CLTCL1: variants seen among roughly 807,000 people sequenced by gnomAD.
The protein encoded by CLTCL1 is clathrin heavy chain like 1.
CLTCL1 carries 159 observed loss-of-function variants against 190.0 expected under a neutral mutation model. That is an observed-to-expected ratio of 0.84 (90% CI 0.74 to 0.95). The LOEUF is 0.95. CLTCL1 is among the 40% of genes least tolerant of loss of function. CLTCL1 has a pLI of 0.00. For missense variants in CLTCL1, 1,878 were observed against 2,033.4 expected (o/e 0.92, Z 1.47); for synonymous variants, 752 against 769.6 (o/e 0.98, Z 0.38).
intron 22 of CLTCL1, among the ~76,000 whole-genome samples, chr22:19,203,411 CTCAGGGAGTA>C (rs1426321085): frequency 6.6e-6 from 1 of 152,206 alleles, no homozygotes; most frequent in Non-Finnish European, 1.5e-5. Context: ...GAGCACAGTT[CTCAGGGAGTA>C]TCTGTGTGTC....
At position 19,243,697 on chromosome 22, in the gene CLTCL1, C is replaced by CTT. The variant is rs1175325908; in HGVS notation, c.520-763_520-762dup. On this transcript the variant is annotated intron_variant, in intron 3 of 32. Coordinates refer to ENST00000427926, the MANE Select transcript of CLTCL1 (RefSeq NM_007098.4). ...GAACTTGTATTTTCTTTCTTTCTTT[C>CTT]TTTTTTTTTTTTTTTTTTGTGATGG... is the stretch of plus-strand genomic sequence containing the variant. Among the ~76,000 whole-genome samples, 955 of 107,728 alleles carry CTT rather than the reference C, an allele frequency of 8.9e-3. 22 individuals are homozygous for CTT. Among genetic ancestry groups the CTT allele is most frequent in the African/African-American group, 0.02 (556 of 27,808 alleles). 70.7% of individuals were successfully genotyped at this position (107,728 alleles called of 152,430 possible). A position where few individuals can be genotyped will look rare whatever the true frequency, so the allele number is the denominator to read the frequency against.
At chr22:19,238,193 A>G (rs782401490) in intron 5 of CLTCL1, among the ~76,000 whole-genome samples, 104 of 152,146 alleles carry the variant, frequency 6.8e-4, no homozygotes, top group Admixed American at 7.2e-4. Flanking sequence ...GGGTTCTAGA[A>G]ATTCTCCTGC....
At chr22:19,184,594 C>G in intron 29 of CLTCL1, 1 of 455,738 alleles carries the variant, frequency 2.2e-6, no homozygotes, top group Non-Finnish European at 4.4e-6. Flanking sequence ...CTTTGGGTCT[C>G]CGCTTTGAGG....
chr22:19,237,917 T>A (rs1434006446), intron 5 of CLTCL1, among the ~76,000 whole-genome samples: 2 of 152,176 alleles, frequency 1.3e-5, no homozygotes, highest in Non-Finnish European at 2.9e-5. Context: ...TTATTGATAT[T>A]ATTAGAAATG....
Position 19,253,947 on chromosome 22 carries a change from C to T in CLTCL1, c.519+12G>A. On this transcript the variant is annotated intron_variant, in intron 3 of 32. Transcript: ENST00000427926. The stretch of plus-strand genomic sequence containing the variant: ...ACATCAGACCAGCCCCTAAAGGCAG[C>T]TCAAGGCTTACCTGAGCCGAGATGC... 6.2e-7 allele frequency: 1 copy of T among 1,610,348 alleles called. No homozygotes were observed. The highest frequency in any genetic ancestry group is 1.3e-5 in the African/African-American group (1 of 74,968).
chr22:19,185,621 C>T (rs578074777), intron 29 of CLTCL1, among the ~76,000 whole-genome samples: 4 of 152,220 alleles, frequency 2.6e-5, no homozygotes, highest in South Asian at 2.1e-4. Context: ...CCAACGCGCC[C>T]GGCCCTGTGC....
intron 2 of CLTCL1, among the ~76,000 whole-genome samples, chr22:19,265,304 T>C (rs1472928280): frequency 6.6e-6 from 1 of 152,188 alleles, no homozygotes; most frequent in African/African-American, 2.4e-5. Flanking sequence ...CTTCAGGCAC[T>C]AACAGCTTAT....
intron 16 of CLTCL1, 30 bp from the exon 17 acceptor site, chr22:19,221,641 T>C: frequency 6.5e-7 from 1 of 1,536,348 alleles, no homozygotes; most frequent in Non-Finnish European, 8.8e-7. Context: ...CTGTAAAGTC[T>C]CAAGGCTACC....
intron 11 of CLTCL1, among the ~76,000 whole-genome samples, chr22:19,227,277 C>CTTTT (rs11375007): frequency 5.8e-5 from 7 of 121,084 alleles, no homozygotes; most frequent in African/African-American, 1.2e-4. Context: ...GGCATAAAAT[C>CTTTT]TTTTTTTTTT....
At chr22:19,207,395 GA>G in intron 22 of CLTCL1, 1 of 394,312 alleles carries the variant, frequency 2.5e-6, no homozygotes, top group Non-Finnish European at 4.5e-6. Context: ...GTAGTAAACA[GA>G]ACGCCTGGAT....
intron 31 of CLTCL1, 65 bp downstream of exon 31, chr22:19,180,666 C>T: frequency 1.3e-6 from 2 of 1,519,218 alleles, no homozygotes; most frequent in South Asian, 2.3e-5. Flanking sequence ...CAGGTAAGGG[C>T]AGTGGGACTT....
chr22:19,194,694 G>A (rs1367373442), intron 26 of CLTCL1, among the ~76,000 whole-genome samples: 3 of 152,178 alleles, frequency 2.0e-5, no homozygotes, highest in Non-Finnish European at 4.4e-5. Context: ...GACACCCCTA[G>A]CCCACATGGA....
intron 20 of CLTCL1, among the ~76,000 whole-genome samples, chr22:19,209,929 T>C (rs1555945460): frequency 1.3e-5 from 2 of 151,032 alleles, no homozygotes. Context: ...GCTGAGGAGA[T>C]GGGGGAATGG....
chr22:19,194,883 C>G (rs1289348764), intron 26 of CLTCL1, among the ~76,000 whole-genome samples: 3 of 152,182 alleles, frequency 2.0e-5, no homozygotes, highest in East Asian at 1.9e-4. Context: ...CCTCCTACCC[C>G]CTTCACACCT....
intron 19 of CLTCL1, among the ~76,000 whole-genome samples, chr22:19,215,627 C>T (rs1381343636): frequency 6.6e-6 from 1 of 152,246 alleles, no homozygotes; most frequent in Admixed American, 6.5e-5. Flanking sequence ...CGCACTCGCA[C>T]CTCTATAGTG....
rs781839749 is a variant in CLTCL1, at chr22:19,276,909, T to A, written c.43-1079A>T. 7.2e-5 allele frequency among the ~76,000 whole-genome samples: 11 copies of A among 152,250 alleles called. No homozygotes were observed. In the South Asian group the frequency reaches 8.3e-4, roughly 12 times the overall value. On this transcript the variant is annotated intron_variant, in intron 1 of 32. Transcript: ENST00000427926. ...GGATGGTCTCAATCTCCTGACCTCGTGATCCGCCCTCCTTGGCCTCCCAAA... is the reference window on the plus strand; with the variant it reads ...GGATGGTCTCAATCTCCTGACCTCGAGATCCGCCCTCCTTGGCCTCCCAAA...
intron 1 of CLTCL1, among the ~76,000 whole-genome samples, chr22:19,289,095 C>T (rs996602225): frequency 7.9e-5 from 12 of 152,120 alleles, no homozygotes; most frequent in Non-Finnish European, 1.3e-4. Flanking sequence ...GAGATTCTCC[C>T]GCCTCAGCCT....
At chr22:19,210,819 C>A (rs1555946306) in intron 19 of CLTCL1, among the ~76,000 whole-genome samples, 1 of 152,190 alleles carries the variant, frequency 6.6e-6, no homozygotes, top group Non-Finnish European at 1.5e-5. Context: ...ATTTTCCTAC[C>A]TGTGCTTTCT....
chr22:19,234,472 C>T (rs782092620), intron 7 of CLTCL1, 37 bp downstream of exon 7: 5 of 1,540,998 alleles, frequency 3.2e-6, no homozygotes, highest in Non-Finnish European at 4.4e-6. Flanking sequence ...TGGTTCTTAA[C>T]ACTCAGAACA....
Sources: allele counts gnomAD v4.1 joint callset (sites outside exome capture counted in the v4.1 genomes callset), GRCh38; gene constraint gnomAD v4.1.1; transcripts MANE v1.5; gene names NCBI Gene and HGNC (gene_info 2026-07-23, HGNC 2026-07-21).